Variants in FNTB observed in about 807,000 individuals in gnomAD.
FNTB encodes farnesyltransferase, CAAX box, subunit beta.
Under a neutral mutation model 59.4 loss-of-function variants are expected in FNTB, and 27 were observed. The observed-to-expected ratio is 0.45, with a 90% confidence interval of 0.34 to 0.63. The LOEUF is 0.63. Ranked by LOEUF, FNTB falls within the 20% of genes least tolerant of loss-of-function variation. FNTB has a pLI of 0.02. For missense variants in FNTB, 449 were observed against 559.6 expected (o/e 0.80, Z 1.99); for synonymous variants, 230 against 220.7 (o/e 1.04, Z -0.37).
Position 65,044,232 on chromosome 14 carries a change from A to G in FNTB, c.823-79A>G, listed in dbSNP as rs1300127918. 1 of 1,602,016 alleles carries G rather than the reference A, an allele frequency of 6.2e-7. No individual in the cohort carries two copies. Among genetic ancestry groups the G allele is most frequent in the Non-Finnish European group, 8.5e-7 (1 of 1,176,036 alleles). Reference sequence around the variant, plus strand: ...AGATGGGAAACCCTCCATCCCACAGATTGACTCCTGGAGATTCTGTCGGGC... The same window carrying G: ...AGATGGGAAACCCTCCATCCCACAGGTTGACTCCTGGAGATTCTGTCGGGC... On this transcript the variant is annotated intron_variant, in intron 8 of 11. Coordinates refer to ENST00000246166, the MANE Select transcript of FNTB (RefSeq NM_002028.4). The surrounding 1 kb of genome is among the most constrained non-coding windows in gnomAD (Gnocchi z 5.5).
Position 65,027,669 on chromosome 14 carries a change from C to G in FNTB, c.522-29C>G, listed in dbSNP as rs750246815. On this transcript the variant is annotated intron_variant, in intron 5 of 11. Transcript: ENST00000246166. The surrounding 1 kb of genome is among the most constrained non-coding windows in gnomAD (Gnocchi z 5.7). ...GCCTGCTGACACGCACTGACTGTTG[C>G]CTCTCCTACCTCTTTCCCTGTTTCT... The G allele has an allele frequency of 6.2e-7, 1 of 1,614,126 alleles. No individual in the cohort carries two copies. Among genetic ancestry groups the G allele is most frequent in the South Asian group, 1.1e-5 (1 of 91,078 alleles).
At chr14:65,024,936 TG>T (rs755755122) in intron 4 of FNTB, among the ~76,000 whole-genome samples, 2 of 152,182 alleles carry the variant, frequency 1.3e-5, no homozygotes, top group African/African-American at 4.8e-5. Context: ...TTTGTTTGTT[TG>T]TTTTTTTTAA....
chr14:65,040,937 C>A lies in FNTB; in HGVS notation c.822+18C>A. On this transcript the variant is annotated intron_variant, in intron 8 of 11. Transcript: ENST00000246166. ...GCTTATTAGTAAGTATCTTTTGAGC[C>A]ATCCCCCTCTCAGGCCCCAGGTCAT... 1 of 1,611,336 alleles carries A rather than the reference C, an allele frequency of 6.2e-7. No individual in the cohort carries two copies. The highest frequency in any genetic ancestry group is 1.1e-5 in the South Asian group (1 of 90,850).
At chr14:65,053,626 T>TAAAAAAAAACAAAAAA (rs201689378) in intron 10 of FNTB, among the ~76,000 whole-genome samples, 6 of 144,316 alleles carry the variant, frequency 4.2e-5, no homozygotes, top group African/African-American at 1.6e-4. Flanking sequence ...TTCTTTTTTT[T>TAAAAAAAAACAAAAAA]AAAAAAAACA....
chr14:65,057,994 C>G (rs1000787338), intron 11 of FNTB, among the ~76,000 whole-genome samples: 2 of 152,170 alleles, frequency 1.3e-5, no homozygotes, highest in African/African-American at 4.8e-5. Context: ...TTCAAAATTG[C>G]CTTGGCTATT....
In FNTB at chr14:65,029,562, T is replaced by C. The variant is rs912318058; in HGVS notation, c.605+1781T>C. On this transcript the variant is annotated intron_variant, in intron 6 of 11. Coordinates refer to ENST00000246166, the MANE Select transcript of FNTB (RefSeq NM_002028.4). This position sits in a 1 kb window ranked among gnomAD's most constrained non-coding sequence, Gnocchi z 4.7. ...ATAGCAAGCACTATTTTTTCTCAGT[T>C]CTTAAGAAAGGAGACCTCCTTTCTA... 6.6e-6 allele frequency among the ~76,000 whole-genome samples: 1 copy of C among 152,230 alleles called. No homozygotes were observed. Among genetic ancestry groups the C allele is most frequent in the African/African-American group, 2.4e-5 (1 of 41,464 alleles).
rs1362734118 is a variant in FNTB at position 65,034,887 on chromosome 14, A to G, written c.692+2191A>G. On this transcript the variant is annotated intron_variant, in intron 7 of 11. Transcript: ENST00000246166. Reference sequence around the variant, plus strand: ...TATGATGGTGGAGGTGTCATACAACAGAACGGTATGGATTCTGTTGGTTTG... The same window carrying G: ...TATGATGGTGGAGGTGTCATACAACGGAACGGTATGGATTCTGTTGGTTTG... Among the ~76,000 whole-genome samples, 4 of 152,230 alleles carry G rather than the reference A, an allele frequency of 2.6e-5. No individual in the cohort carries two copies. The South Asian group carries it at 6.2e-4, about 24-fold the overall frequency.
At chr14:65,055,852 A>G (rs1316315780) in intron 11 of FNTB, among the ~76,000 whole-genome samples, 1 of 152,166 alleles carries the variant, frequency 6.6e-6, no homozygotes, top group Non-Finnish European at 1.5e-5. Context: ...AACATTTCAA[A>G]TGGAAGAAAC....
chr14:65,057,215 A>G (rs1224082355), intron 11 of FNTB, among the ~76,000 whole-genome samples: 1 of 152,144 alleles, frequency 6.6e-6, no homozygotes, highest in African/African-American at 2.4e-5. Flanking sequence ...TTTTGTGGGG[A>G]CAAATAAACC....
chr14:65,016,138 G>A (rs950804249), intron 4 of FNTB, among the ~76,000 whole-genome samples: 4 of 152,112 alleles, frequency 2.6e-5, no homozygotes, highest in Admixed American at 1.3e-4. Flanking sequence ...GTACCTCCCC[G>A]CTCCCGGTGC....
In FNTB at chr14:65,007,472, C is replaced by T. The variant is rs751518644; in HGVS notation, c.209+3159C>T. ...ATGCCTGTGATGATGCTGAAGTAGG[C>T]ATTTGCCTATTCAGTGTTCCAGGGC... On this transcript the variant is annotated intron_variant, in intron 2 of 11. Transcript: ENST00000246166. The surrounding 1 kb of genome is among the most constrained non-coding windows in gnomAD (Gnocchi z 4.9). 2.0e-5 allele frequency among the ~76,000 whole-genome samples: 3 copies of T among 152,200 alleles called. No homozygotes were observed. The highest frequency in any genetic ancestry group is 4.4e-5 in the Non-Finnish European group (3 of 68,034).
Position 64,986,930 on chromosome 14 carries a change from A to G in FNTB, c.-24A>G, listed in dbSNP as rs372708444. 16 of 1,613,698 alleles carry G rather than the reference A, an allele frequency of 9.9e-6. No individual in the cohort carries two copies. The highest frequency in any genetic ancestry group is 1.6e-4 in the Middle Eastern group (1 of 6,082). Reference sequence around the variant, plus strand: ...GTTGCTTAACGAAGCAGAGTCCTACACACTGTCTGCTGCTCTCCTGATCAT... The same window carrying G: ...GTTGCTTAACGAAGCAGAGTCCTACGCACTGTCTGCTGCTCTCCTGATCAT... On this transcript the variant is annotated 5_prime_UTR_variant, in exon 1 of 12. Coordinates refer to ENST00000246166, the MANE Select transcript of FNTB (RefSeq NM_002028.4).
chr14:65,022,274 CTTTTTTTCTGTTTTTTTTTTT>C (rs954579495), intron 4 of FNTB: 3 of 305,852 alleles, frequency 9.8e-6, no homozygotes, highest in Non-Finnish European at 1.9e-5. Context: ...AAGCTGTAAT[CTTTTTTTCTGTTTTTTTTTTT>C]TTAAACCTGC....
chr14:65,051,014 A>G (rs1021973981), intron 9 of FNTB, among the ~76,000 whole-genome samples: 2 of 152,254 alleles, frequency 1.3e-5, no homozygotes, highest in Admixed American at 6.5e-5. Flanking sequence ...CACTGTGCTT[A>G]CAGGTGAGGA....
Position 65,054,450 on chromosome 14 carries a change from C to T in FNTB, c.1068-125C>T. On this transcript the variant is annotated intron_variant, in intron 10 of 11. Coordinates refer to ENST00000246166, the MANE Select transcript of FNTB (RefSeq NM_002028.4). This position sits in a 1 kb window ranked among gnomAD's most constrained non-coding sequence, Gnocchi z 4.4. Reference sequence around the variant, plus strand: ...AACACTGCTGGGAAAACCATGCCTCCTCTAGCCACATGGAGGATGGGGGGG... The same window carrying T: ...AACACTGCTGGGAAAACCATGCCTCTTCTAGCCACATGGAGGATGGGGGGG... 1.0e-6 allele frequency: 1 copy of T among 975,394 alleles called. No individual in the cohort carries two copies. The allele number at this position is 975,394 out of a possible 1,614,324, so 60.4% of individuals were successfully genotyped here.
Position 65,044,513 on chromosome 14 carries a change from A to T in FNTB, c.955+70A>T, listed in dbSNP as rs2062431451. 1 of 1,550,754 alleles carries T rather than the reference A, an allele frequency of 6.4e-7. No individual in the cohort carries two copies. Among genetic ancestry groups the T allele is most frequent in the Admixed American group, 2.2e-5 (1 of 45,130 alleles). On this transcript the variant is annotated intron_variant, in intron 9 of 11. Transcript: ENST00000246166. This position sits in a 1 kb window ranked among gnomAD's most constrained non-coding sequence, Gnocchi z 5.5. ...CACTACTCACAAAGTCTGGAAGCCC[A>T]GCGTGCTTTTTTAGAGGGGTTGAAA... is the stretch of plus-strand genomic sequence containing the variant.
intron 1 of FNTB, among the ~76,000 whole-genome samples, chr14:64,988,388 A>G (rs1160967709): frequency 6.7e-6 from 1 of 149,210 alleles, no homozygotes; most frequent in Non-Finnish European, 1.5e-5. Flanking sequence ...TGGATTGCTG[A>G]GTTGATTCAG....
At chr14:65,039,097 T>C (rs1330465758) in intron 7 of FNTB, among the ~76,000 whole-genome samples, 1 of 152,210 alleles carries the variant, frequency 6.6e-6, no homozygotes. Context: ...CAGCTGTCTG[T>C]TCATATTTAA....
Position 65,047,846 on chromosome 14 carries a change from T to C in FNTB, c.955+3403T>C, listed in dbSNP as rs902715575. The stretch of plus-strand genomic sequence containing the variant: ...ACATGAAGTGTAAGGGGGCGGGGCC[T>C]GGAGCAGTGCCTGGGCACACAGCCC... On this transcript the variant is annotated intron_variant, in intron 9 of 11. Coordinates refer to ENST00000246166, the MANE Select transcript of FNTB (RefSeq NM_002028.4). This position sits in a 1 kb window ranked among gnomAD's most constrained non-coding sequence, Gnocchi z 5.2. 2.0e-5 allele frequency among the ~76,000 whole-genome samples: 3 copies of C among 152,160 alleles called. No individual in the cohort carries two copies. Among genetic ancestry groups the C allele is most frequent in the East Asian group, 1.9e-4 (1 of 5,198 alleles).
Sources: gnomAD v4.1 joint callset for allele counts (sites outside exome capture counted in the v4.1 genomes callset) on GRCh38, gnomAD v4.1.1 for gene constraint, Gnocchi (gnomAD v3.1) non-coding constraint, MANE v1.5 for transcripts, NCBI Gene and HGNC (gene_info 2026-07-23, HGNC 2026-07-21) for gene names.